The following APBB1 variants were observed in gnomAD, a reference collection of about 807,000 sequenced individuals.
APBB1 encodes adaptor protein FE65a2.
In APBB1, 22 loss-of-function variants were observed where a neutral mutation model predicts 78.4. The observed-to-expected ratio is 0.28, with a 90% CI of 0.20 to 0.40. The LOEUF is 0.40. APBB1 is among the 10% of genes least tolerant of loss of function. The pLI, the probability that APBB1 is intolerant of heterozygous loss-of-function variation, is 1.00. For missense variants in APBB1, 749 were observed against 932.4 expected, an observed-to-expected ratio of 0.80 and a Z score of 2.56; for synonymous variants, 369 against 372.7, an observed-to-expected ratio of 0.99 and a Z score of 0.12.
Position 6,411,554 on chromosome 11 carries a change from G to A in APBB1, c.-14-193C>T, listed in dbSNP as rs1848965207. The stretch of plus-strand genomic sequence containing the variant: ...GCACTATCATCCCCATCACAGTCCA[G>A]GCCCAGGTCTGAGGCCCACCCCATC... On this transcript the variant is annotated intron_variant, in intron 1 of 14. Coordinates refer to ENST00000609360, the MANE Select transcript of APBB1 (RefSeq NM_001164.5). The surrounding 1 kb of genome is among the most constrained non-coding windows in gnomAD (Gnocchi z 5.2). Among the ~76,000 whole-genome samples the A allele has an allele frequency of 6.6e-6, 1 of 152,104 alleles. No individual in the cohort carries two copies. Among genetic ancestry groups the A allele is most frequent in the African/African-American group, 2.4e-5 (1 of 41,404 alleles).
chr11:6,411,727 G>A lies in APBB1; in HGVS notation c.-14-366C>T, dbSNP rs1848969318. 6.6e-6 allele frequency among the ~76,000 whole-genome samples: 1 copy of A among 152,182 alleles called. No homozygotes were observed. Among genetic ancestry groups the A allele is most frequent in the East Asian group, 1.9e-4 (1 of 5,192 alleles). The stretch of plus-strand genomic sequence containing the variant: ...GCTTACTGTGCCAGGAACACCACTA[G>A]AGTGGGACCGGCTCGTGTGTTTTGG... On this transcript the variant is annotated intron_variant, in intron 1 of 14. Coordinates refer to ENST00000609360, the MANE Select transcript of APBB1 (RefSeq NM_001164.5). The surrounding 1 kb of genome is among the most constrained non-coding windows in gnomAD (Gnocchi z 5.2).
chr11:6,405,389 G>A, intron 2 of APBB1: 1 of 987,168 alleles, frequency 1.0e-6, no homozygotes, highest in Non-Finnish European at 1.2e-6. Context: ...CCCCTCACCT[G>A]CCAGGGCCCA....
intron 12 of APBB1, 26 bp from the exon 13 acceptor site, chr11:6,396,241 A>G: frequency 6.5e-7 from 1 of 1,538,544 alleles, no homozygotes; most frequent in Non-Finnish European, 8.8e-7. Context: ...ACAAGATACC[A>G]CTGAGGGTAG....
chr11:6,418,405 G>GA (rs1849173402), intron 1 of APBB1, among the ~76,000 whole-genome samples: 1 of 152,224 alleles, frequency 6.6e-6, no homozygotes, highest in South Asian at 2.1e-4. Flanking sequence ...CTGAAGGGCG[G>GA]AGAGAGCTGG....
chr11:6,401,870 G>A lies in APBB1; in HGVS notation c.1388+107C>T. 3.4e-6 allele frequency: 5 copies of A among 1,488,238 alleles called. No individual in the cohort carries two copies. The highest frequency in any genetic ancestry group is 3.7e-6 in the Non-Finnish European group (4 of 1,093,372). The allele number at this position is 1,488,238 out of a possible 1,614,324, so 92.2% of individuals were successfully genotyped here. On this transcript the variant is annotated intron_variant, in intron 9 of 14. Coordinates refer to ENST00000609360, the MANE Select transcript of APBB1 (RefSeq NM_001164.5). This position sits in a 1 kb window ranked among gnomAD's most constrained non-coding sequence, Gnocchi z 4.5. ...GACAGGCAAGCATGCTGAGGTGGAG[G>A]GTAATGGTGGAGCATAGCGGGTGGG... is the stretch of plus-strand genomic sequence containing the variant.
Position 6,406,712 on chromosome 11 carries a change from G to A in APBB1, c.722-2890C>T, listed in dbSNP as rs77636905. ...CTCCCAGCCCACCTCCCTTACTCTC[G>A]ATTTTCACCTGGCTATCACCTACCT... is the stretch of plus-strand genomic sequence containing the variant. On this transcript the variant is annotated intron_variant, in intron 2 of 14. Transcript: ENST00000609360. Among the ~76,000 whole-genome samples the A allele has an allele frequency of 2.3e-4, 35 of 151,992 alleles. 1 individual carries two copies. In the East Asian group the frequency reaches 6.4e-3, roughly 28 times the overall value.
intron 1 of APBB1, among the ~76,000 whole-genome samples, chr11:6,418,238 T>A (rs1478163778): frequency 6.6e-6 from 1 of 152,054 alleles, no homozygotes; most frequent in East Asian, 1.9e-4. Context: ...CGAATACTAC[T>A]CAAAGGTAAA....
chr11:6,412,194 C>G (rs138633198), intron 1 of APBB1, among the ~76,000 whole-genome samples: 2,565 of 152,228 alleles, frequency 0.017, 46 homozygotes, highest in South Asian at 0.065. Flanking sequence ...CTCTTGTTGC[C>G]CAGGCTGGAG....
intron 2 of APBB1, among the ~76,000 whole-genome samples, chr11:6,408,318 C>G (rs936018408): frequency 3.3e-5 from 5 of 150,990 alleles, no homozygotes; most frequent in Non-Finnish European, 5.9e-5. Context: ...CAAACAACAA[C>G]AACGAAAAAA....
In APBB1 at chr11:6,395,334, T is replaced by C; in HGVS notation, c.*200A>G. 1 of 506,106 alleles carries C rather than the reference T, an allele frequency of 2.0e-6. No homozygotes were observed. The highest frequency in any genetic ancestry group is 3.3e-6 in the Non-Finnish European group (1 of 303,000). The allele number at this position is 506,106 out of a possible 1,614,324, so 31.4% of individuals were successfully genotyped here. A position where few individuals can be genotyped will look rare whatever the true frequency, so the allele number is the denominator to read the frequency against. On this transcript the variant is annotated 3_prime_UTR_variant, in exon 15 of 15. Coordinates refer to ENST00000609360, the MANE Select transcript of APBB1 (RefSeq NM_001164.5). This position sits in a 1 kb window ranked among gnomAD's most constrained non-coding sequence, Gnocchi z 5.2. ...CTGGCCTTGCTTCCTGCTCCTCTTG[T>C]TACCACTCCAGTGTTATCACTTCCT...
intron 7 of APBB1, 56 bp downstream of exon 7, chr11:6,402,520 A>C (rs1848576828): frequency 6.4e-7 from 1 of 1,571,246 alleles, no homozygotes; most frequent in Admixed American, 1.7e-5. Context: ...CCCATCTCTC[A>C]TAATTCCCTT....
rs747316792 is a variant in APBB1 at position 6,403,134 on chromosome 11, C to G, written c.1104+11G>C. 1 of 1,607,046 alleles carries G rather than the reference C, an allele frequency of 6.2e-7. No individual in the cohort carries two copies. The highest frequency in any genetic ancestry group is 1.1e-5 in the South Asian group (1 of 89,456). On this transcript the variant is annotated intron_variant, in intron 6 of 14. Transcript: ENST00000609360. This position sits in a 1 kb window ranked among gnomAD's most constrained non-coding sequence, Gnocchi z 5.3. ...CCCCAGACTCAGAATGGGTGTCAGT[C>G]TTGAACAAACCTTGATCCCTGGGTT...
At chr11:6,406,381 C>T (rs891349964) in intron 2 of APBB1, among the ~76,000 whole-genome samples, 3 of 152,088 alleles carry the variant, frequency 2.0e-5, no homozygotes, top group African/African-American at 7.2e-5. Flanking sequence ...CTAACATAGC[C>T]CAGGCTACTA....
At chr11:6,400,186 T>C (rs1231272574) in intron 12 of APBB1, among the ~76,000 whole-genome samples, 5 of 152,208 alleles carry the variant, frequency 3.3e-5, no homozygotes, top group Admixed American at 6.5e-5. Flanking sequence ...GCTTCAAAGG[T>C]ATTTGTTAAG....
intron 6 of APBB1, 43 bp from the exon 7 acceptor site, chr11:6,402,768 C>A: frequency 1.2e-6 from 2 of 1,612,050 alleles, no homozygotes; most frequent in South Asian, 2.2e-5. Flanking sequence ...GGATCTGAGT[C>A]AAAACTGGAG....
In APBB1 at chr11:6,395,630, C is replaced by T. The variant is rs1368655598; in HGVS notation, c.2037G>A (p.Glu679=). The T allele has an allele frequency of 1.9e-6, 3 of 1,597,946 alleles. No individual in the cohort carries two copies. The highest frequency in any genetic ancestry group is 2.6e-6 in the Non-Finnish European group (3 of 1,170,950). ...TCCACCCTACACGCCGTGCCACAGA[C>T]TCAGCAGGGGGTGCTGGGAGGCAGG... The part of the protein sequence containing the change: ...STSCLPAPPA[E]SVARRVGWTV... The change falls in exon 15 of 15, where the codon GAG becomes GAA. Residue 679 remains glutamate, a synonymous_variant. Coordinates refer to ENST00000609360, the MANE Select transcript of APBB1 (RefSeq NM_001164.5). The surrounding 1 kb of genome is among the most constrained non-coding windows in gnomAD (Gnocchi z 5.2).
At chr11:6,405,087 T>TC in intron 2 of APBB1, 4 of 1,366,998 alleles carry the variant, frequency 2.9e-6, no homozygotes, top group Non-Finnish European at 2.8e-6. Context: ...TCGCCCTGGC[T>TC]CCCCTCCCCC....
chr11:6,404,506 C>G, intron 2 of APBB1: 3 of 1,401,374 alleles, frequency 2.1e-6, no homozygotes, highest in Admixed American at 2.0e-5. Context: ...ACACGGCACA[C>G]GTCAAACCCT....
chr11:6,411,129 GC>G lies in APBB1; in HGVS notation c.218del (p.Gly73AlafsTer19). On this transcript the variant is annotated frameshift_variant, in exon 2 of 15. Coordinates refer to ENST00000609360, the MANE Select transcript of APBB1 (RefSeq NM_001164.5). LOFTEE classifies it high-confidence loss of function. The surrounding 1 kb of genome is among the most constrained non-coding windows in gnomAD (Gnocchi z 5.2). The part of the protein sequence containing the change: ...GPANAKWLKE[G>X]QNQLRRAATA... ...TGGCGGCCCGCCGGAGCTGGTTCTG[GC>G]CCTCTTTTAGCCACTTGGCATTGGC... The G allele has an allele frequency of 6.2e-7, 1 of 1,611,308 alleles. No homozygotes were observed.
Sources: gnomAD v4.1 joint callset for allele counts (sites outside exome capture counted in the v4.1 genomes callset) on GRCh38, gnomAD v4.1.1 for gene constraint, Gnocchi (gnomAD v3.1) non-coding constraint, MANE v1.5 for transcripts, NCBI Gene and HGNC (gene_info 2026-07-23, HGNC 2026-07-21) for gene names.